The following MRPL12 variants were observed in gnomAD, a reference collection of about 807,000 sequenced individuals.
MRPL12 encodes the protein mitochondrial ribosomal protein L12, also known as large ribosomal subunit protein bL12m.
Under a neutral mutation model 21.1 loss-of-function variants are expected in MRPL12, and 13 were observed. That is an observed-to-expected ratio of 0.62 (90% CI 0.40 to 0.98). The LOEUF (loss-of-function observed/expected upper bound fraction) is 0.98, where lower values mean the gene tolerates loss of function less well. MRPL12 is among the 50% of genes least tolerant of loss of function. The pLI is 0.00. For synonymous variants in MRPL12, 126 were observed against 115.3 expected, an observed-to-expected ratio of 1.09 and a Z score of -0.60; for missense variants, 251 against 268.6, an observed-to-expected ratio of 0.93 and a Z score of 0.46.
chr17:81,704,714 G>A lies in MRPL12; in HGVS notation c.343G>A (p.Glu115Lys). 1 of 1,612,770 alleles carries A rather than the reference G, an allele frequency of 6.2e-7. No homozygotes were observed. Among genetic ancestry groups the A allele is most frequent in the Non-Finnish European group, 8.5e-7 (1 of 1,179,328 alleles). ...SGAVPAAAAQ[E>K]AVEEDIPIAK... ...GGCTGTCCCTGCTGCAGCAGCCCAG[G>A]AGGTGAGTCCTGGGCAGAATGAGGC... The change falls in exon 3 of 5, where the codon GAG becomes AAG. Residue 115 changes from glutamate to lysine, a missense_variant and splice_region_variant. Physicochemically the swap from Glu to Lys is moderately conservative, Grantham distance 56. Transcript: ENST00000333676.
At position 81,707,348 on chromosome 17, in the gene MRPL12, T is replaced by G. The variant is rs966816393; in HGVS notation, c.*108T>G. 61 of 1,058,128 alleles carry G rather than the reference T, an allele frequency of 5.8e-5. No homozygotes were observed. Among genetic ancestry groups the G allele is most frequent in the Non-Finnish European group, 7.9e-5 (58 of 731,752 alleles). 65.5% of individuals were successfully genotyped at this position (1,058,128 alleles called of 1,614,324 possible). A position where few individuals can be genotyped will look rare whatever the true frequency, so the allele number is the denominator to read the frequency against. On this transcript the variant is annotated 3_prime_UTR_variant, in exon 5 of 5. Transcript: ENST00000333676. The stretch of plus-strand genomic sequence containing the variant: ...AGCACCAGGCGCCCAGTGGAGCCGT[T>G]TGGGAGAATTGCCTGCGCCACGCAG...
rs756010981 is a variant in MRPL12, at chr17:81,707,172, G to T, written c.529G>T (p.Ala177Ser). 18 of 1,613,834 alleles carry T rather than the reference G, an allele frequency of 1.1e-5. No individual in the cohort carries two copies. Among genetic ancestry groups the T allele is most frequent in the Non-Finnish European group, 1.5e-5 (18 of 1,179,922 alleles). The change falls in exon 5 of 5, where the codon GCC (alanine) becomes TCC (serine). Residue 177 changes from alanine to serine, a missense_variant. Coordinates refer to ENST00000333676, the MANE Select transcript of MRPL12 (RefSeq NM_002949.4). ...GCCCCAGGAAATCAAAGCCAATGTC[G>T]CCAAAGCTGAGGCGGAGAAGATCAA... is the stretch of plus-strand genomic sequence containing the variant. ...SLPQEIKANV[A>S]KAEAEKIKAA...
intron 3 of MRPL12, among the ~76,000 whole-genome samples, chr17:81,705,472 G>A (rs1442694087): frequency 6.6e-6 from 1 of 151,986 alleles, no homozygotes; most frequent in Non-Finnish European, 1.5e-5. Context: ...TGGGGAAAAG[G>A]AGGGAAGAGG....
intron 1 of MRPL12, among the ~76,000 whole-genome samples, chr17:81,703,789 A>T (rs763987863): frequency 6.6e-6 from 1 of 152,196 alleles, no homozygotes; most frequent in Non-Finnish European, 1.5e-5. Context: ...TCGGCCCCAG[A>T]TGACCTTGGA....
At chr17:81,704,810 G>C in intron 3 of MRPL12, 94 bp downstream of exon 3, 1 of 1,091,320 alleles carries the variant, frequency 9.2e-7, no homozygotes, top group Non-Finnish European at 1.3e-6. Flanking sequence ...TGCAGCTACC[G>C]TCATTGTCTG....
At position 81,703,404 on chromosome 17, in the gene MRPL12, T is replaced by C; in HGVS notation, c.-98T>C. ...TCGAATGCCCGGCAGCCGTGGCGGC[T>C]AGAGCGTTCCTCCCCAGCTCGAATG... On this transcript the variant is annotated 5_prime_UTR_variant, in exon 1 of 5. An upstream open reading frame in the 5' UTR loses its in-frame stop. Transcript: ENST00000333676. 9.5e-7 allele frequency: 1 copy of C among 1,048,044 alleles called. No individual in the cohort carries two copies. Among genetic ancestry groups the C allele is most frequent in the Non-Finnish European group, 1.3e-6 (1 of 759,616 alleles). The allele number at this position is 1,048,044 out of a possible 1,614,324, so 64.9% of individuals were successfully genotyped here.
In MRPL12 at chr17:81,704,668, G is replaced by A. The variant is rs1306332495; in HGVS notation, c.297G>A (p.Pro99=). Residue 99 remains proline, a synonymous_variant, in exon 3 of 5, where the codon CCG becomes CCA. Transcript: ENST00000333676. ...TLKIQDVGLV[P]MGGVMSGAVP... Reference sequence around the variant, plus strand: ...AGATCCAGGATGTCGGGCTTGTGCCGATGGGTGGTGTGATGTCTGGGGCTG... The same window carrying A: ...AGATCCAGGATGTCGGGCTTGTGCCAATGGGTGGTGTGATGTCTGGGGCTG... 6.2e-6 allele frequency: 10 copies of A among 1,613,788 alleles called. 1 individual carries two copies. The highest frequency in any genetic ancestry group is 3.3e-4 in the Middle Eastern group (2 of 6,084).
rs759402584 is a variant in MRPL12, at chr17:81,703,591, G to A, written c.74+16G>A. On this transcript the variant is annotated intron_variant, in intron 1 of 4. Coordinates refer to ENST00000333676, the MANE Select transcript of MRPL12 (RefSeq NM_002949.4). Reference sequence around the variant, plus strand: ...GCCTTGCCAGGTACGCGGGATCCTGGGGCGGTCCGGGCCGGCAGGCGGGTT... The same window carrying A: ...GCCTTGCCAGGTACGCGGGATCCTGAGGCGGTCCGGGCCGGCAGGCGGGTT... The A allele has an allele frequency of 2.5e-5, 35 of 1,389,990 alleles. No homozygotes were observed. The highest frequency in any genetic ancestry group is 3.3e-5 in the Non-Finnish European group (35 of 1,074,792). 86.1% of individuals were successfully genotyped at this position (1,389,990 alleles called of 1,614,324 possible).
In MRPL12 at chr17:81,706,892, T is replaced by C. The variant is rs2037319128; in HGVS notation, c.346-14T>C. ...CCTTTGTCACCTGGCTCCCCTTCTTTCCTGCTCCCTAAGGCGGTGGAAGAA... is the reference window on the plus strand; with the variant it reads ...CCTTTGTCACCTGGCTCCCCTTCTTCCCTGCTCCCTAAGGCGGTGGAAGAA... On this transcript the variant is annotated splice_polypyrimidine_tract_variant and intron_variant, in intron 3 of 4. Coordinates refer to ENST00000333676, the MANE Select transcript of MRPL12 (RefSeq NM_002949.4). 6.2e-7 allele frequency: 1 copy of C among 1,613,018 alleles called. No individual in the cohort carries two copies. The highest frequency in any genetic ancestry group is 1.1e-5 in the South Asian group (1 of 91,014).
In MRPL12 at chr17:81,704,276, A is replaced by G; in HGVS notation, c.107A>G (p.His36Arg). 6.2e-7 allele frequency: 1 copy of G among 1,612,550 alleles called. No homozygotes were observed. The highest frequency in any genetic ancestry group is 1.1e-5 in the South Asian group (1 of 91,006). ...RQVPCVCAVR[H>R]MRSSGHQRCE... ...GTGCCATGTGTCTGTGCCGTGCGAC[A>G]TATGAGGAGCAGCGGCCATCAGAGG... The change falls in exon 2 of 5, where the codon CAT becomes CGT. Residue 36 changes from histidine to arginine, a missense_variant. His to Arg is a conservative substitution (Grantham distance 29). Coordinates refer to ENST00000333676, the MANE Select transcript of MRPL12 (RefSeq NM_002949.4).
chr17:81,704,646 T>G lies in MRPL12; in HGVS notation c.275T>G (p.Ile92Ser), dbSNP rs1175487061. ...CTATCTCTGCAGAAAACGTTGAAGA[T>G]CCAGGATGTCGGGCTTGTGCCGATG... ...LNELLKKTLK[I>S]QDVGLVPMGG... Residue 92 changes from isoleucine to serine, a missense_variant, in exon 3 of 5, where the codon ATC becomes AGC. Ile to Ser is a moderately radical substitution (Grantham distance 142). Transcript: ENST00000333676. 8.7e-6 allele frequency: 14 copies of G among 1,613,790 alleles called. No individual in the cohort carries two copies. The highest frequency in any genetic ancestry group is 1.2e-5 in the Non-Finnish European group (14 of 1,180,010).
intron 3 of MRPL12, among the ~76,000 whole-genome samples, chr17:81,706,052 C>A (rs1215158581): frequency 1.3e-5 from 2 of 152,210 alleles, no homozygotes; most frequent in East Asian, 3.9e-4. Context: ...TGCTGGGTCT[C>A]CATGCGCCAC....
In MRPL12 at chr17:81,704,531, T is replaced by C. The variant is rs2037292715; in HGVS notation, c.261+101T>C. The C allele has an allele frequency of 1.9e-6, 3 of 1,578,694 alleles. No individual in the cohort carries two copies. In the African/African-American group the frequency reaches 4.1e-5, roughly 21 times the overall value. On this transcript the variant is annotated intron_variant, in intron 2 of 4. Transcript: ENST00000333676. ...GGAGTTTGGTAAATTGTCAAAAGTG[T>C]GTTTGTCCAGGTGCAAGGTCCATGC...
chr17:81,704,601 C>T, intron 2 of MRPL12, 32 bp from the exon 3 acceptor site: 5 of 1,611,502 alleles, frequency 3.1e-6, no homozygotes, highest in Non-Finnish European at 4.2e-6. Context: ...GGTGTGAGGG[C>T]CAGCTGTGGA....
rs766192147 is a variant in MRPL12, at chr17:81,704,257, T to C, written c.88T>C (p.Cys30Arg). The change falls in exon 2 of 5, where the codon TGT becomes CGT. Residue 30 changes from cysteine (C) to arginine (R), a missense_variant. Coordinates refer to ENST00000333676, the MANE Select transcript of MRPL12 (RefSeq NM_002949.4). ...GGTGGGGGCTAGGCGACAGGTGCCA[T>C]GTGTCTGTGCCGTGCGACATATGAG... ...AFRLARRQVP[C>R]VCAVRHMRSS... The C allele has an allele frequency of 6.8e-6, 11 of 1,608,418 alleles. No homozygotes were observed. The Admixed American group carries it at 1.9e-4, about 27-fold the overall frequency.
intron 1 of MRPL12, among the ~76,000 whole-genome samples, chr17:81,703,848 C>T (rs948122332): frequency 1.3e-5 from 2 of 152,228 alleles, no homozygotes; most frequent in Non-Finnish European, 2.9e-5. Context: ...AGCAAAGGCC[C>T]ATCCGTGGGT....
chr17:81,703,727 G>C, intron 1 of MRPL12, 152 bp downstream of exon 1: 1 of 703,108 alleles, frequency 1.4e-6, no homozygotes, highest in Non-Finnish European at 2.0e-6. Flanking sequence ...GCGGGGAGGA[G>C]GCCTCCCGGT....
rs188158619 is a variant in MRPL12, at chr17:81,706,621, G to A, written c.346-285G>A. Among the ~76,000 whole-genome samples, 41 of 152,282 alleles carry A rather than the reference G, an allele frequency of 2.7e-4. 2 individuals are homozygous for A. The highest frequency in any genetic ancestry group is 2.1e-3 in the Admixed American group (32 of 15,288). On this transcript the variant is annotated intron_variant, in intron 3 of 4. Transcript: ENST00000333676. ...CTCGCGAGGCCAAGGCAGGAGAATCGCTTGAACCCAGGAGGTGGAGGTTGC... is the reference window on the plus strand; with the variant it reads ...CTCGCGAGGCCAAGGCAGGAGAATCACTTGAACCCAGGAGGTGGAGGTTGC...
Position 81,707,312 on chromosome 17 carries a change from G to T in MRPL12, c.*72G>T. The T allele has an allele frequency of 7.1e-7, 1 of 1,404,302 alleles. No individual in the cohort carries two copies. Among genetic ancestry groups the T allele is most frequent in the South Asian group, 1.4e-5 (1 of 72,696 alleles). The allele number at this position is 1,404,302 out of a possible 1,614,324, so 87.0% of individuals were successfully genotyped here. A position where few individuals can be genotyped will look rare whatever the true frequency, so the allele number is the denominator to read the frequency against. On this transcript the variant is annotated 3_prime_UTR_variant, in exon 5 of 5. Coordinates refer to ENST00000333676, the MANE Select transcript of MRPL12 (RefSeq NM_002949.4). Reference sequence around the variant, plus strand: ...AGGTCCCGCCCTCCCGTGGTCACTGGCTCCGCCCCCAGCACCAGGCGCCCA... The same window carrying T: ...AGGTCCCGCCCTCCCGTGGTCACTGTCTCCGCCCCCAGCACCAGGCGCCCA...
Sources: gnomAD v4.1 joint callset for allele counts (sites outside exome capture counted in the v4.1 genomes callset) on GRCh38, gnomAD v4.1.1 for gene constraint, MANE v1.5 for transcripts, NCBI Gene and HGNC (gene_info 2026-07-23, HGNC 2026-07-21) for gene names.